Variants in MAMLD1 observed in about 807,000 individuals in gnomAD.
MAMLD1 encodes the protein mastermind-like domain-containing protein 1.
MAMLD1 carries 14 observed loss-of-function variants against 45.0 expected under a neutral mutation model. The observed-to-expected ratio is 0.31, with a 90% confidence interval of 0.21 to 0.49. The LOEUF (loss-of-function observed/expected upper bound fraction) is 0.49, where lower values mean the gene tolerates loss of function less well. MAMLD1 is among the 20% of genes least tolerant of loss of function. The pLI is 0.99. For missense variants in MAMLD1, 543 were observed against 603.6 expected, an observed-to-expected ratio of 0.90 and a Z score of 1.05; for synonymous variants, 254 against 247.8, an observed-to-expected ratio of 1.02 and a Z score of -0.24.
chrX:150,431,731 G>A (rs1346924808), intron 1 of MAMLD1, among the ~76,000 whole-genome samples: 1 of 74,677 alleles, frequency 1.3e-5, no homozygotes, highest in East Asian at 4.9e-4. Flanking sequence ...TTATGCAAAG[G>A]ACCAAAGGAC....
chrX:150,414,285 CT>C (rs2034199106), intron 1 of MAMLD1, among the ~76,000 whole-genome samples: 1 of 111,247 alleles, frequency 9.0e-6, no homozygotes. Flanking sequence ...AATAGCTTAC[CT>C]TTTTTGTTGG....
intron 6 of MAMLD1, chrX:150,504,320 A>G (rs1349807628): frequency 1.6e-5 from 12 of 749,128 alleles, no homozygotes; most frequent in Non-Finnish European, 1.9e-5. Context: ...AAAACTGGAG[A>G]CATGAACATT....
rs2031374082 is a variant in MAMLD1, at chrX:150,365,624, G to A, written c.-64+2094G>A. Reference sequence around the variant, plus strand: ...CTAAGACGGAGGCGGCAGCTCGGAGGCTTAGGCCACCCGCGTCTGGCTACA... The same window carrying A: ...CTAAGACGGAGGCGGCAGCTCGGAGACTTAGGCCACCCGCGTCTGGCTACA... On this transcript the variant is annotated intron_variant, in intron 1 of 7. Transcript: ENST00000370401. 5.3e-5 allele frequency among the ~76,000 whole-genome samples: 6 copies of A among 113,354 alleles called. No individual in the cohort carries two copies. The South Asian group carries it at 2.1e-3, about 40-fold the overall frequency.
chrX:150,365,398 G>T (rs940441608), intron 1 of MAMLD1, among the ~76,000 whole-genome samples: 1 of 112,851 alleles, frequency 8.9e-6, no homozygotes, highest in Non-Finnish European at 1.9e-5. Flanking sequence ...CCTGGCGGCC[G>T]GGACGGCCGA....
At chrX:150,467,188 C>T (rs1478559169) in intron 3 of MAMLD1, among the ~76,000 whole-genome samples, 18 of 112,260 alleles carry the variant, frequency 1.6e-4, no homozygotes, top group African/African-American at 5.2e-4. Context: ...CTATTTTTAA[C>T]CTATTGGATT....
chrX:150,431,465 A>G (rs1333263812), intron 1 of MAMLD1, among the ~76,000 whole-genome samples: 1 of 109,338 alleles, frequency 9.1e-6, no homozygotes, highest in Non-Finnish European at 1.9e-5. Context: ...TTTGATATAT[A>G]GGTAAATTGC....
intron 1 of MAMLD1, among the ~76,000 whole-genome samples, chrX:150,377,050 T>A (rs1436145378): frequency 8.8e-6 from 1 of 113,114 alleles, no homozygotes; most frequent in Non-Finnish European, 1.9e-5. Context: ...TATGGGATGT[T>A]CACAAAATGC....
chrX:150,453,793 C>T (rs1249708134), intron 2 of MAMLD1, among the ~76,000 whole-genome samples: 1 of 112,091 alleles, frequency 8.9e-6, no homozygotes, highest in Non-Finnish European at 1.9e-5. Flanking sequence ...AAAGCCCCAC[C>T]CCAGGGCCTT....
chrX:150,410,090 C>T (rs1216569726), intron 1 of MAMLD1, among the ~76,000 whole-genome samples: 2 of 111,405 alleles, frequency 1.8e-5, no homozygotes, highest in Non-Finnish European at 3.8e-5. Flanking sequence ...CCCTGGAGGT[C>T]GCAGACCTTG....
chrX:150,506,530 A>G (rs2037732999), intron 6 of MAMLD1, among the ~76,000 whole-genome samples: 1 of 111,802 alleles, frequency 8.9e-6, no homozygotes, highest in Non-Finnish European at 1.9e-5. Flanking sequence ...CCAAGGGCTC[A>G]TAGGGCAAGG....
chrX:150,448,293 T>G (rs2124605559), intron 2 of MAMLD1, among the ~76,000 whole-genome samples: 1 of 112,104 alleles, frequency 8.9e-6, no homozygotes, highest in South Asian at 3.8e-4. Context: ...TAAGCATTTT[T>G]GGGGCATTAT....
rs2037963023 is a variant in MAMLD1, at chrX:150,513,619, C to T, written c.*1660C>T. The T allele has an allele frequency of 6.7e-6, 2 of 298,350 alleles. No individual in the cohort carries two copies. The highest frequency in any genetic ancestry group is 1.2e-5 in the Non-Finnish European group (2 of 171,102). 24.6% of individuals were successfully genotyped at this position (298,350 alleles called of 1,213,427 possible). A position where few individuals can be genotyped will look rare whatever the true frequency, so the allele number is the denominator to read the frequency against. The stretch of plus-strand genomic sequence containing the variant: ...TCTCTTTTGCGAACCTTTCAGTCTC[C>T]GCTAGCTCTTTCCTAATGAGCTTTA... On this transcript the variant is annotated 3_prime_UTR_variant, in exon 8 of 8. Coordinates refer to ENST00000370401, the MANE Select transcript of MAMLD1 (RefSeq NM_005491.5).
intron 1 of MAMLD1, among the ~76,000 whole-genome samples, chrX:150,401,793 C>T (rs1209014318): frequency 8.1e-5 from 9 of 111,240 alleles, no homozygotes; most frequent in Non-Finnish European, 1.1e-4. Context: ...TGATCTTTGA[C>T]AAATCTGAGA....
At chrX:150,411,048 T>C (rs1389872804) in intron 1 of MAMLD1, among the ~76,000 whole-genome samples, 1 of 111,849 alleles carries the variant, frequency 8.9e-6, no homozygotes, top group East Asian at 2.8e-4. Context: ...CCAGGACAAT[T>C]CTTCTTCCAC....
chrX:150,435,386 G>A (rs984933637), intron 1 of MAMLD1, among the ~76,000 whole-genome samples: 4 of 110,932 alleles, frequency 3.6e-5, no homozygotes, highest in African/African-American at 1.3e-4. Context: ...ATGGTGGCAG[G>A]CACCTGTAAT....
At chrX:150,458,492 T>G (rs1315239042) in intron 2 of MAMLD1, among the ~76,000 whole-genome samples, 11 of 111,749 alleles carry the variant, frequency 9.8e-5, no homozygotes, top group African/African-American at 3.6e-4. Context: ...CGGTACCTAA[T>G]TTTGTTTTAA....
intron 2 of MAMLD1, among the ~76,000 whole-genome samples, chrX:150,452,798 C>T (rs1217436965): frequency 1.8e-4 from 17 of 94,266 alleles, no homozygotes; most frequent in African/African-American, 5.5e-4. Context: ...TTCCCCTTCC[C>T]GTGTCCATGT....
At chrX:150,363,905 T>A (rs1176301605) in intron 1 of MAMLD1, among the ~76,000 whole-genome samples, 2 of 113,088 alleles carry the variant, frequency 1.8e-5, no homozygotes, top group Admixed American at 9.2e-5. Context: ...CCCGGGTCGC[T>A]TGCAGCCTGG....
At chrX:150,456,752 G>A (rs782624042) in intron 2 of MAMLD1, among the ~76,000 whole-genome samples, 5 of 112,300 alleles carry the variant, frequency 4.5e-5, no homozygotes, top group African/African-American at 6.5e-5. Context: ...CCCAGAAATG[G>A]CTCTAGAGGG....
Sources: allele counts gnomAD v4.1 joint callset (sites outside exome capture counted in the v4.1 genomes callset), GRCh38; gene constraint gnomAD v4.1.1; transcripts MANE v1.5; gene names NCBI Gene and HGNC (gene_info 2026-07-23, HGNC 2026-07-21).